Variants in SLC9A9 observed in about 807,000 individuals in gnomAD.
SLC9A9 encodes solute carrier family 9 member A9, also known as sodium/hydrogen exchanger 9.
SLC9A9 carries 62 observed loss-of-function variants against 77.8 expected under a neutral mutation model. That is an observed-to-expected ratio of 0.80 (90% CI 0.65 to 0.98). SLC9A9 has a LOEUF of 0.98. SLC9A9 is among the 50% of genes least tolerant of loss of function. SLC9A9 has a pLI of 0.00. For synonymous variants in SLC9A9, 320 were observed against 283.5 expected (o/e 1.13, Z -1.29); for missense variants, 775 against 774.9 (o/e 1.00, Z 0.00).
At chr3:143,399,957 A>G (rs879009166) in intron 12 of SLC9A9, among the ~76,000 whole-genome samples, 1 of 152,172 alleles carries the variant, frequency 6.6e-6, no homozygotes, top group Non-Finnish European at 1.5e-5. Flanking sequence ...TGTTACACTC[A>G]TATATATCTT....
At chr3:143,335,961 G>C (rs1180971743) in intron 14 of SLC9A9, among the ~76,000 whole-genome samples, 2 of 152,104 alleles carry the variant, frequency 1.3e-5, no homozygotes, top group African/African-American at 2.4e-5. Flanking sequence ...AAATGAAACA[G>C]ACAACAAAAA....
chr3:143,656,768 A>G (rs1397919302), intron 5 of SLC9A9, among the ~76,000 whole-genome samples: 1 of 152,160 alleles, frequency 6.6e-6, no homozygotes, highest in African/African-American at 2.4e-5. Flanking sequence ...TGTGCAAATC[A>G]CTATGTATGA....
intron 5 of SLC9A9, among the ~76,000 whole-genome samples, chr3:143,667,214 C>A (rs975235748): frequency 2.0e-5 from 3 of 151,944 alleles, no homozygotes; most frequent in African/African-American, 7.2e-5. Context: ...CAAACCTGAC[C>A]AAAAAAGAAA....
intron 6 of SLC9A9, among the ~76,000 whole-genome samples, chr3:143,633,452 T>A (rs1204168505): frequency 6.6e-6 from 1 of 152,198 alleles, no homozygotes; most frequent in Non-Finnish European, 1.5e-5. Flanking sequence ...TAAAATGTCT[T>A]AGAGGTTTTT....
chr3:143,539,811 G>T (rs528988644), intron 9 of SLC9A9, among the ~76,000 whole-genome samples: 13 of 152,096 alleles, frequency 8.5e-5, no homozygotes, highest in African/African-American at 3.1e-4. Context: ...AGAAGGACAT[G>T]AAATTTATAT....
At chr3:143,286,110 G>C (rs1292737142) in intron 14 of SLC9A9, among the ~76,000 whole-genome samples, 3 of 152,318 alleles carry the variant, frequency 2.0e-5, no homozygotes, top group Admixed American at 6.5e-5. Context: ...CATGGAAAAG[G>C]TGATGGTTTT....
chr3:143,395,300 T>C (rs1475998142), intron 12 of SLC9A9, among the ~76,000 whole-genome samples: 1 of 152,132 alleles, frequency 6.6e-6, no homozygotes, highest in East Asian at 1.9e-4. Flanking sequence ...ACCACACATC[T>C]ATAGCCATCT....
In SLC9A9 at chr3:143,703,097, G is replaced by A. The variant is rs148423860; in HGVS notation, c.534-9790C>T. Among the ~76,000 whole-genome samples, 217 of 152,142 alleles carry A rather than the reference G, an allele frequency of 1.4e-3. 5 individuals are homozygous for A. Among genetic ancestry groups the A allele is most frequent in the Admixed American group, 0.01 (154 of 15,266 alleles). ...GCAAAAAATTTTCGAGCTAAAGAGT[G>A]AGATAGACCCCAATACAATAATAGC... On this transcript the variant is annotated intron_variant, in intron 4 of 15. Coordinates refer to ENST00000316549, the MANE Select transcript of SLC9A9 (RefSeq NM_173653.4).
chr3:143,615,803 A>T (rs1346636453), intron 6 of SLC9A9, among the ~76,000 whole-genome samples: 1 of 152,174 alleles, frequency 6.6e-6, no homozygotes, highest in Non-Finnish European at 1.5e-5. Context: ...CAGGGAGATT[A>T]GGCACCTTCT....
At chr3:143,292,057 C>G (rs1443651475) in intron 14 of SLC9A9, among the ~76,000 whole-genome samples, 1 of 152,204 alleles carries the variant, frequency 6.6e-6, no homozygotes, top group African/African-American at 2.4e-5. Context: ...GTCTAACCTG[C>G]TACTCCAGCT....
At chr3:143,569,905 G>A (rs1302358380) in intron 8 of SLC9A9, among the ~76,000 whole-genome samples, 2 of 150,750 alleles carry the variant, frequency 1.3e-5, no homozygotes, top group Non-Finnish European at 3.0e-5. Flanking sequence ...TGAACTCCTG[G>A]GCTCAAGCAA....
At position 143,793,506 on chromosome 3, in the gene SLC9A9, A is replaced by C. The variant is rs189369646; in HGVS notation, c.533+1495T>G. 9.2e-5 allele frequency among the ~76,000 whole-genome samples: 14 copies of C among 152,332 alleles called. No homozygotes were observed. The East Asian group carries it at 2.5e-3, about 27-fold the overall frequency. On this transcript the variant is annotated intron_variant, in intron 4 of 15. Transcript: ENST00000316549. Reference sequence around the variant, plus strand: ...AAGACCCCATATTATAGAACCACTAAAATAAATCTTTACTACTAACCAAGG... The same window carrying C: ...AAGACCCCATATTATAGAACCACTACAATAAATCTTTACTACTAACCAAGG...
chr3:143,375,839 A>T (rs571420937), intron 13 of SLC9A9, among the ~76,000 whole-genome samples: 1 of 152,214 alleles, frequency 6.6e-6, no homozygotes. Flanking sequence ...TCTCTGACTC[A>T]TAGCTTATAG....
At chr3:143,504,007 T>A in intron 9 of SLC9A9, 1 of 451,096 alleles carries the variant, frequency 2.2e-6, no homozygotes, top group South Asian at 1.7e-5. Flanking sequence ...AGTGCCAGCA[T>A]CGCCCCATTT....
At chr3:143,655,715 C>CAA in intron 5 of SLC9A9, 3 of 791,880 alleles carry the variant, frequency 3.8e-6, no homozygotes, top group Non-Finnish European at 4.6e-6. Context: ...CACACACAAA[C>CAA]ACACCCCTAC....
chr3:143,380,671 GTGTTTCC>G (rs993777920), intron 13 of SLC9A9, among the ~76,000 whole-genome samples: 1 of 152,196 alleles, frequency 6.6e-6, no homozygotes, highest in African/African-American at 2.4e-5. Context: ...GCAGTTAGGT[GTGTTTCC>G]TGGACAATGG....
At position 143,752,630 on chromosome 3, in the gene SLC9A9, G is replaced by A. The variant is rs112698878; in HGVS notation, c.533+42371C>T. 4.6e-5 allele frequency among the ~76,000 whole-genome samples: 7 copies of A among 151,712 alleles called. 1 individual carries two copies. The highest frequency in any genetic ancestry group is 1.7e-4 in the African/African-American group (7 of 41,334). ...AAAGCCAGCACAAGTCTGGCTGCCT[G>A]CACAGAGCCGCAACTCTTGAAAGGG... On this transcript the variant is annotated intron_variant, in intron 4 of 15. Transcript: ENST00000316549.
chr3:143,389,550 A>C (rs1027439568), intron 12 of SLC9A9, among the ~76,000 whole-genome samples: 5 of 152,236 alleles, frequency 3.3e-5, no homozygotes, highest in African/African-American at 1.2e-4. Flanking sequence ...ATTTCCCCCA[A>C]GGGACATCCT....
At position 143,266,062 on chromosome 3, in the gene SLC9A9, C is replaced by CA; in HGVS notation, c.*639dup. 1.4e-6 allele frequency: 1 copy of CA among 702,416 alleles called. No homozygotes were observed. The highest frequency in any genetic ancestry group is 2.6e-6 in the Non-Finnish European group (1 of 384,806). The allele number at this position is 702,416 out of a possible 1,614,324, so 43.5% of individuals were successfully genotyped here. A position where few individuals can be genotyped will look rare whatever the true frequency, so the allele number is the denominator to read the frequency against. On this transcript the variant is annotated 3_prime_UTR_variant, in exon 16 of 16. Coordinates refer to ENST00000316549, the MANE Select transcript of SLC9A9 (RefSeq NM_173653.4). Reference sequence around the variant, plus strand: ...AGGGCAGGGCACACCCAGCCATAGGCAACCCCTTTGAGCGATGGGAGAAGT... The same window carrying CA: ...AGGGCAGGGCACACCCAGCCATAGGCAAACCCCTTTGAGCGATGGGAGAAGT...
Sources: allele counts gnomAD v4.1 joint callset (sites outside exome capture counted in the v4.1 genomes callset), GRCh38; gene constraint gnomAD v4.1.1; transcripts MANE v1.5; gene names NCBI Gene and HGNC (gene_info 2026-07-23, HGNC 2026-07-21).